Variants in PLCD3 observed in about 807,000 individuals in gnomAD.
PLCD3 encodes the protein phospholipase C delta 3, also known as 1-phosphatidylinositol 4,5-bisphosphate phosphodiesterase delta-3.
In PLCD3, 62 loss-of-function variants were observed where a neutral mutation model predicts 82.8. The ratio of observed to expected loss-of-function variants is 0.75; its 90% CI spans 0.61 to 0.93. The LOEUF (loss-of-function observed/expected upper bound fraction) is 0.93, where lower values mean the gene tolerates loss of function less well. Ranked by LOEUF, PLCD3 falls within the 40% of genes least tolerant of loss-of-function variation. The pLI, the probability that PLCD3 is intolerant of heterozygous loss-of-function variation, is 0.00. For synonymous variants in PLCD3, 478 were observed against 471.8 expected, an observed-to-expected ratio of 1.01 and a Z score of -0.17; for missense variants, 1,023 against 1,103.4, an observed-to-expected ratio of 0.93 and a Z score of 1.03.
intron 4 of PLCD3, among the ~76,000 whole-genome samples, chr17:45,120,090 T>C (rs1401307327): frequency 6.6e-6 from 1 of 152,232 alleles, no homozygotes; most frequent in Non-Finnish European, 1.5e-5. Flanking sequence ...GGGTAGGAAC[T>C]GAGGATGAGG....
rs1211618382 is a variant in PLCD3, at chr17:45,112,380, TCA to T, written c.*234_*235del. ...GAGGACAAGAGGAGCTGGGGCCATCTCAGGGCCCCAGGGTTGGAGCTCACTGA... is the reference window on the plus strand; with the variant it reads ...GAGGACAAGAGGAGCTGGGGCCATCTGGGCCCCAGGGTTGGAGCTCACTGA... On this transcript the variant is annotated 3_prime_UTR_variant, in exon 15 of 15. Transcript: ENST00000619929. The T allele has an allele frequency of 3.6e-6, 2 of 560,098 alleles. No homozygotes were observed. Among genetic ancestry groups the T allele is most frequent in the Non-Finnish European group, 6.4e-6 (2 of 311,780 alleles). 34.7% of individuals were successfully genotyped at this position (560,098 alleles called of 1,614,324 possible). A position where few individuals can be genotyped will look rare whatever the true frequency, so the allele number is the denominator to read the frequency against.
chr17:45,130,779 C>CTCCAGATAAAG (rs1394788751), intron 1 of PLCD3, among the ~76,000 whole-genome samples: 4 of 152,116 alleles, frequency 2.6e-5, no homozygotes, highest in Admixed American at 6.5e-5. Flanking sequence ...TCCTGATGCC[C>CTCCAGATAAAG]TCCAGATAAA....
chr17:45,120,180 G>A (rs1454404266), intron 4 of PLCD3, 145 bp downstream of exon 4: 2 of 1,141,202 alleles, frequency 1.8e-6, no homozygotes, highest in African/African-American at 3.1e-5. Flanking sequence ...AACCCCAGAT[G>A]TTGCCTTTGT....
At position 45,113,414 on chromosome 17, in the gene PLCD3, C is replaced by T. The variant is rs73316955; in HGVS notation, c.1995+25G>A. On this transcript the variant is annotated intron_variant, in intron 12 of 14. Transcript: ENST00000619929. ...TTTCTAGAACCAGTCTGACCCCACA[C>T]TGGGGCCCGTTCCAGCCTGCTGACC... The T allele has an allele frequency of 0.011, 16,957 of 1,577,972 alleles. 1,414 individuals carry two copies. The African/African-American group carries it at 0.19, about 18-fold the overall frequency.
chr17:45,127,566 G>C (rs571205245), intron 1 of PLCD3, among the ~76,000 whole-genome samples: 1 of 152,168 alleles, frequency 6.6e-6, no homozygotes, highest in Non-Finnish European at 1.5e-5. Context: ...GCTCAGAGAG[G>C]ACAAGCCCTG....
At chr17:45,125,483 G>T (rs1228552345) in intron 1 of PLCD3, among the ~76,000 whole-genome samples, 1 of 152,254 alleles carries the variant, frequency 6.6e-6, no homozygotes, top group Non-Finnish European at 1.5e-5. Context: ...TGTAATCTCA[G>T]CTACTAGGGA....
At chr17:45,120,300 G>A in intron 4 of PLCD3, 25 bp downstream of exon 4, 4 of 1,613,660 alleles carry the variant, frequency 2.5e-6, no homozygotes, top group Non-Finnish European at 2.5e-6. Flanking sequence ...AGAGCCAGGG[G>A]CTGGGGTTCA....
chr17:45,112,548 G>C lies in PLCD3; in HGVS notation c.*68C>G. On this transcript the variant is annotated 3_prime_UTR_variant, in exon 15 of 15. Transcript: ENST00000619929. ...GGTACTCCCACCACCTGACTCCAGA[G>C]GAGGAGAGGGCTCTGCAGGGGATGT... The C allele has an allele frequency of 6.8e-7, 1 of 1,470,112 alleles. No individual in the cohort carries two copies. The highest frequency in any genetic ancestry group is 1.2e-5 in the South Asian group (1 of 82,258). The allele number at this position is 1,470,112 out of a possible 1,614,324, so 91.1% of individuals were successfully genotyped here.
chr17:45,120,957 G>C lies in PLCD3; in HGVS notation c.499C>G (p.Leu167Val). The change falls in exon 3 of 15, where the codon CTG becomes GTG. Residue 167 changes from leucine (L) to valine (V), a missense_variant. By Grantham distance (32) the Leu-to-Val change is conservative. This residue lies in a region of PLCD3 where 448 missense variants were observed against 406.3 expected (regional missense o/e 1.10). Transcript: ENST00000619929. ...TCCAGGCGCGCGCGGAGCTTGGTCA[G>C]ACCGCGCACCCAGCGCTGCGCTTCC... ...AEEAQRWVRG[L>V]TKLRARLDAM... 4 of 1,517,240 alleles carry C rather than the reference G, an allele frequency of 2.6e-6. No homozygotes were observed. The highest frequency in any genetic ancestry group is 3.5e-6 in the Non-Finnish European group (4 of 1,140,014). The allele number at this position is 1,517,240 out of a possible 1,614,324, so 94.0% of individuals were successfully genotyped here.
chr17:45,118,996 C>T lies in PLCD3; in HGVS notation c.732G>A (p.Glu244=), dbSNP rs1173061618. The T allele has an allele frequency of 3.1e-6, 5 of 1,612,472 alleles. No homozygotes were observed. Among genetic ancestry groups the T allele is most frequent in the Non-Finnish European group, 4.2e-6 (5 of 1,179,670 alleles). Residue 244 remains glutamate, a synonymous_variant, in exon 5 of 15, where the codon GAG becomes GAA. Coordinates refer to ENST00000619929, the MANE Select transcript of PLCD3 (RefSeq NM_133373.5). This position sits in a 1 kb window ranked among gnomAD's most constrained non-coding sequence, Gnocchi z 4.1. ...GCTTCAGCAGCCGCCGCAGGAACTC[C>T]TCGATCTCAGCCCCCTCTAGACGGT... The part of the protein sequence containing the change: ...NNDRLEGAEI[E]EFLRRLLKRP...
At chr17:45,124,366 T>G (rs2054365368) in intron 1 of PLCD3, among the ~76,000 whole-genome samples, 1 of 152,114 alleles carries the variant, frequency 6.6e-6, no homozygotes. Flanking sequence ...CAGGAACCTG[T>G]TGGGGGAAGG....
chr17:45,120,518 G>C, intron 3 of PLCD3, 64 bp from the exon 4 acceptor site: 1 of 1,606,292 alleles, frequency 6.2e-7, no homozygotes, highest in East Asian at 2.2e-5. Flanking sequence ...GTAACTGGCT[G>C]GTAAGTCACC....
Position 45,115,496 on chromosome 17 carries a change from G to A in PLCD3, c.1414-6C>T. 2 of 1,605,578 alleles carry A rather than the reference G, an allele frequency of 1.2e-6. No individual in the cohort carries two copies. The highest frequency in any genetic ancestry group is 1.1e-5 in the South Asian group (1 of 89,656). ...AGGACCCGGCCCTTCAGCTGCTGTG[G>A]GGGCCAACGTGGAGGATGAAGGGTT... is the stretch of plus-strand genomic sequence containing the variant. On this transcript the variant is annotated splice_region_variant and splice_polypyrimidine_tract_variant and intron_variant, in intron 8 of 14. Coordinates refer to ENST00000619929, the MANE Select transcript of PLCD3 (RefSeq NM_133373.5).
At position 45,116,698 on chromosome 17, in the gene PLCD3, G is replaced by A; in HGVS notation, c.1347C>T (p.Ile449=). The part of the protein sequence containing the change: ...QAAMARHLCT[I]LGDMLVTQAL... ...CCTGTGTCACCAGCATGTCCCCCAG[G>A]ATGGTGCAGAGGTGGCGGGCCATGG... The change falls in exon 8 of 15, where the codon ATC becomes ATT. Residue 449 remains isoleucine, a synonymous_variant. Transcript: ENST00000619929. 1.2e-6 allele frequency: 2 copies of A among 1,611,544 alleles called. No homozygotes were observed. The highest frequency in any genetic ancestry group is 1.7e-6 in the Non-Finnish European group (2 of 1,178,656).
At chr17:45,120,837 A>T (rs1054091107) in intron 3 of PLCD3, 65 bp downstream of exon 3, 1 of 1,394,586 alleles carries the variant, frequency 7.2e-7, no homozygotes, top group Non-Finnish European at 9.3e-7. Flanking sequence ...CTCTCCAAGG[A>T]TGGGGCTCTC....
intron 1 of PLCD3, among the ~76,000 whole-genome samples, chr17:45,125,517 AC>A (rs1252985044): frequency 4.6e-5 from 7 of 152,210 alleles, no homozygotes; most frequent in Non-Finnish European, 8.8e-5. Flanking sequence ...GAATGCTTGA[AC>A]CCGGAAGGCA....
At chr17:45,117,674 C>T (rs1007318892) in intron 7 of PLCD3, among the ~76,000 whole-genome samples, 2 of 152,206 alleles carry the variant, frequency 1.3e-5, no homozygotes. Context: ...CACTGGTGAG[C>T]TTCTCTTACA....
rs374964008 is a variant in PLCD3, at chr17:45,118,926, G to A, written c.802C>T (p.Arg268Cys). 27 of 1,612,600 alleles carry A rather than the reference G, an allele frequency of 1.7e-5. No individual in the cohort carries two copies. Among genetic ancestry groups the A allele is most frequent in the Non-Finnish European group, 2.3e-5 (27 of 1,179,760 alleles). The change falls in exon 5 of 15, where the codon CGC becomes TGC. Residue 268 changes from arginine (R) to cysteine (C), a missense_variant. Arg to Cys is a radical substitution (Grantham distance 180). Around this residue, in one of 3 missense-constraint regions of PLCD3, gnomAD observed 448 missense variants for 406.3 expected, o/e 1.10. Coordinates refer to ENST00000619929, the MANE Select transcript of PLCD3 (RefSeq NM_133373.5). The surrounding 1 kb of genome is among the most constrained non-coding windows in gnomAD (Gnocchi z 4.1). ...AGCAGCTCAGGGGCACTCAGCACGCGGTCCTCGCCCGAGTACTGATGGAAG... is the reference window on the plus strand; with the variant it reads ...AGCAGCTCAGGGGCACTCAGCACGCAGTCCTCGCCCGAGTACTGATGGAAG... The part of the protein sequence containing the change: ...EIFHQYSGED[R>C]VLSAPELLEF...
chr17:45,120,258 G>A (rs1042227589), intron 4 of PLCD3, 67 bp downstream of exon 4: 29 of 1,601,920 alleles, frequency 1.8e-5, no homozygotes, highest in Non-Finnish European at 2.3e-5. Flanking sequence ...TGATTCAGAT[G>A]GCTGGGGGCA....
Sources: gnomAD v4.1 joint callset for allele counts (sites outside exome capture counted in the v4.1 genomes callset) on GRCh38, gnomAD v4.1.1 for gene constraint, gnomAD v4.1.1 regional missense constraint, Gnocchi (gnomAD v3.1) non-coding constraint, MANE v1.5 for transcripts, NCBI Gene and HGNC (gene_info 2026-07-23, HGNC 2026-07-21) for gene names.